AGBL4: variants seen among roughly 807,000 people sequenced by gnomAD.
The protein encoded by AGBL4 is cytosolic carboxypeptidase 6.
A neutral mutation model predicts 66.4 loss-of-function variants in AGBL4; 58 were observed. The observed-to-expected ratio is 0.87, with a 90% CI of 0.71 to 1.09. AGBL4 has a LOEUF of 1.09. Among genes scored for constraint, AGBL4 ranks in the 50% least tolerant of loss-of-function variants. The pLI, the probability that AGBL4 is intolerant of heterozygous loss-of-function variation, is 0.00. For missense variants in AGBL4, 579 were observed against 631.0 expected (o/e 0.92, Z 0.88); for synonymous variants, 234 against 222.9 (o/e 1.05, Z -0.44).
At chr1:49,587,087 T>C (rs1300644709) in intron 3 of AGBL4, among the ~76,000 whole-genome samples, 11 of 151,764 alleles carry the variant, frequency 7.2e-5, no homozygotes, top group Non-Finnish European at 1.2e-4. Context: ...CTGATAAAAA[T>C]ACAAAAAAAT....
At chr1:48,956,213 C>T (rs1405813623) in intron 5 of AGBL4, among the ~76,000 whole-genome samples, 3 of 152,182 alleles carry the variant, frequency 2.0e-5, no homozygotes, top group Non-Finnish European at 4.4e-5. Context: ...TGGGATGACC[C>T]TACACATTGA....
intron 3 of AGBL4, among the ~76,000 whole-genome samples, chr1:49,331,027 T>C (rs1645322601): frequency 6.6e-6 from 1 of 152,126 alleles, no homozygotes; most frequent in African/African-American, 2.4e-5. Context: ...CCCAGGAAAC[T>C]ATGCTTCTCC....
At chr1:49,715,189 C>A (rs1233351964) in intron 2 of AGBL4, among the ~76,000 whole-genome samples, 1 of 152,092 alleles carries the variant, frequency 6.6e-6, no homozygotes, top group African/African-American at 2.4e-5. Context: ...TTGTTCAGCT[C>A]CCACTTATGA....
intron 2 of AGBL4, among the ~76,000 whole-genome samples, chr1:49,785,365 A>T (rs1011303998): frequency 6.6e-6 from 1 of 152,132 alleles, no homozygotes; most frequent in African/African-American, 2.4e-5. Context: ...ATGTGAGGTG[A>T]TGGATATGTT....
intron 12 of AGBL4, among the ~76,000 whole-genome samples, chr1:48,537,281 G>GT (rs1382672874): frequency 6.6e-6 from 1 of 152,134 alleles, no homozygotes; most frequent in Non-Finnish European, 1.5e-5. Context: ...AGGTTATTAA[G>GT]TTTTTTCTTA....
At chr1:48,852,790 G>T (rs1381536244) in intron 6 of AGBL4, among the ~76,000 whole-genome samples, 1 of 152,142 alleles carries the variant, frequency 6.6e-6, no homozygotes, top group Non-Finnish European at 1.5e-5. Flanking sequence ...AAAAAGCGAG[G>T]CTAGGCAATC....
chr1:49,936,972 C>G (rs920815034), intron 1 of AGBL4, among the ~76,000 whole-genome samples: 4 of 152,150 alleles, frequency 2.6e-5, no homozygotes, highest in African/African-American at 9.7e-5. Flanking sequence ...ATGACAGGAT[C>G]AAATTCACAC....
At chr1:49,291,311 C>T (rs747745610) in intron 3 of AGBL4, among the ~76,000 whole-genome samples, 69 of 152,238 alleles carry the variant, frequency 4.5e-4, no homozygotes, top group Non-Finnish European at 6.5e-4. Context: ...GAACACTCTC[C>T]GAATCATTTT....
intron 5 of AGBL4, among the ~76,000 whole-genome samples, chr1:48,903,266 C>T (rs1469840100): frequency 2.0e-5 from 3 of 152,174 alleles, no homozygotes; most frequent in African/African-American, 7.2e-5. Context: ...TTTGTTTCTC[C>T]TGGAACCCTC....
chr1:49,688,215 A>G (rs1023831167), intron 3 of AGBL4, among the ~76,000 whole-genome samples: 5 of 152,158 alleles, frequency 3.3e-5, no homozygotes, highest in Non-Finnish European at 7.4e-5. Flanking sequence ...CACAACAATC[A>G]TGCCACTACA....
chr1:49,770,615 C>G (rs1002633766), intron 2 of AGBL4, among the ~76,000 whole-genome samples: 3 of 152,096 alleles, frequency 2.0e-5, no homozygotes, highest in African/African-American at 7.2e-5. Flanking sequence ...TCAAATATTG[C>G]TAGAATTCAG....
At chr1:49,807,100 T>C (rs1310494513) in intron 2 of AGBL4, among the ~76,000 whole-genome samples, 4 of 151,722 alleles carry the variant, frequency 2.6e-5, no homozygotes, top group African/African-American at 9.7e-5. Context: ...TGGCTGAGAG[T>C]GGGGCAATTG....
chr1:49,109,250 C>G (rs890983578), intron 4 of AGBL4, among the ~76,000 whole-genome samples: 1 of 152,158 alleles, frequency 6.6e-6, no homozygotes, highest in Non-Finnish European at 1.5e-5. Context: ...ACCCCTTCTG[C>G]TCTCTGAGGG....
intron 2 of AGBL4, among the ~76,000 whole-genome samples, chr1:49,825,245 T>C (rs1645479448): frequency 6.6e-6 from 1 of 152,238 alleles, no homozygotes; most frequent in Admixed American, 6.5e-5. Flanking sequence ...TACATGAATA[T>C]TCTGCATCAT....
chr1:49,369,201 G>C (rs1303528262), intron 3 of AGBL4, among the ~76,000 whole-genome samples: 1 of 152,186 alleles, frequency 6.6e-6, no homozygotes, highest in Non-Finnish European at 1.5e-5. Flanking sequence ...TCCTTCACTA[G>C]ATAGATCTGT....
chr1:48,642,885 G>A (rs915989453), intron 8 of AGBL4, among the ~76,000 whole-genome samples: 20 of 152,294 alleles, frequency 1.3e-4, no homozygotes, highest in South Asian at 6.2e-4. Context: ...CACCGAGCCT[G>A]AGAATGGCTC....
chr1:49,786,230 T>C (rs920994355), intron 2 of AGBL4, among the ~76,000 whole-genome samples: 23 of 152,292 alleles, frequency 1.5e-4, no homozygotes, highest in African/African-American at 5.5e-4. Flanking sequence ...ATATTTTACA[T>C]GGCTGAGATC....
intron 1 of AGBL4, among the ~76,000 whole-genome samples, chr1:50,001,563 G>A (rs952053691): frequency 4.6e-5 from 7 of 151,398 alleles, no homozygotes; most frequent in Admixed American, 1.3e-4. Flanking sequence ...AGTCTAAAAC[G>A]GGTTGCAAAT....
At chr1:49,436,467 C>T (rs1009128551) in intron 3 of AGBL4, among the ~76,000 whole-genome samples, 4 of 152,126 alleles carry the variant, frequency 2.6e-5, no homozygotes, top group Admixed American at 1.3e-4. Context: ...AGAATACTCA[C>T]CTAAAGAATT....
Sources: gnomAD v4.1 joint callset for allele counts (sites outside exome capture counted in the v4.1 genomes callset) on GRCh38, gnomAD v4.1.1 for gene constraint, MANE v1.5 for transcripts, NCBI Gene and HGNC (gene_info 2026-07-23, HGNC 2026-07-21) for gene names.